The following HFM1 variants were observed in gnomAD, a reference collection of about 807,000 sequenced individuals.
HFM1 encodes the protein helicase for meiosis 1.
Under a neutral mutation model 192.1 loss-of-function variants are expected in HFM1, and 169 were observed. The ratio of observed to expected loss-of-function variants is 0.88; its 90% CI spans 0.78 to 1.00. HFM1 has a LOEUF of 1.00. Among genes scored for constraint, HFM1 ranks in the 50% least tolerant of loss-of-function variants. The pLI, the probability that HFM1 is intolerant of heterozygous loss-of-function variation, is 0.00. For synonymous variants in HFM1, 525 were observed against 537.8 expected (o/e 0.98, Z 0.33); for missense variants, 1,661 against 1,668.0 (o/e 1.00, Z 0.07).
At chr1:91,302,990 C>G (rs1213699154) in intron 30 of HFM1, among the ~76,000 whole-genome samples, 2 of 152,056 alleles carry the variant, frequency 1.3e-5, no homozygotes, top group African/African-American at 4.8e-5. Context: ...TACAGGAATA[C>G]AATGGACTTT....
chr1:91,328,456 TACTTTGGCCGTAAG>T, intron 20 of HFM1: 1 of 1,613,020 alleles, frequency 6.2e-7, no homozygotes, highest in Non-Finnish European at 8.5e-7. Flanking sequence ...CATCAAGAGC[TACTTTGGCCGTAAG>T]GTGGCCATTG....
chr1:91,395,672 TAAAG>T (rs975282303), intron 3 of HFM1, among the ~76,000 whole-genome samples: 1 of 152,034 alleles, frequency 6.6e-6, no homozygotes, highest in Non-Finnish European at 1.5e-5. Flanking sequence ...TTCATTAAAA[TAAAG>T]AAATTTTAAT....
chr1:91,385,199 C>T lies in HFM1; in HGVS notation c.790G>A (p.Val264Ile), dbSNP rs1662043348. The change falls in exon 6 of 39, where the codon GTC becomes ATC. Residue 264 changes from valine to isoleucine, a missense_variant. Coordinates refer to ENST00000370425, the MANE Select transcript of HFM1 (RefSeq NM_001017975.6). ...TENGLGSLKA[V>I]TEIPAKFRSI... ...ACTTAAAGGATACGAATTTCTGTGA[C>T]AGCCTTCAAGGAACCTAAACCATTT... is the stretch of plus-strand genomic sequence containing the variant. The T allele has an allele frequency of 1.9e-6, 3 of 1,559,556 alleles. No individual in the cohort carries two copies. The highest frequency in any genetic ancestry group is 2.3e-5 in the South Asian group (2 of 86,456).
chr1:91,284,252 T>TA (rs1330570303), intron 30 of HFM1, among the ~76,000 whole-genome samples: 3 of 149,692 alleles, frequency 2.0e-5, no homozygotes, highest in Non-Finnish European at 4.5e-5. Context: ...TTATTATTAT[T>TA]TTTTTTTTGA....
intron 13 of HFM1, among the ~76,000 whole-genome samples, chr1:91,371,014 C>G (rs1029474002): frequency 4.0e-5 from 6 of 151,626 alleles, no homozygotes; most frequent in Non-Finnish European, 8.8e-5. Context: ...GAATAAAATA[C>G]TTAGGAATCC....
At chr1:91,380,070 ATAAT>A (rs1661371547) in intron 8 of HFM1, 30 bp downstream of exon 8, 3 of 985,674 alleles carry the variant, frequency 3.0e-6, no homozygotes, top group African/African-American at 3.4e-5. Context: ...TTTCATTATT[ATAAT>A]TAGTCATCAC....
intron 30 of HFM1, among the ~76,000 whole-genome samples, chr1:91,311,264 T>C (rs888651235): frequency 6.6e-6 from 1 of 152,126 alleles, no homozygotes; most frequent in Non-Finnish European, 1.5e-5. Flanking sequence ...ATTTAGGGCA[T>C]CTGGTGGAAA....
At chr1:91,325,817 T>C (rs900318480) in intron 20 of HFM1, among the ~76,000 whole-genome samples, 3 of 152,058 alleles carry the variant, frequency 2.0e-5, no homozygotes, top group African/African-American at 7.2e-5. Context: ...AGACAGAGAA[T>C]TCAAAATAGC....
chr1:91,382,473 C>T (rs1661667264), intron 6 of HFM1, among the ~76,000 whole-genome samples: 2 of 152,164 alleles, frequency 1.3e-5, no homozygotes, highest in South Asian at 4.1e-4. Context: ...CAGTGCCTGA[C>T]ACATAACTCA....
Position 91,396,409 on chromosome 1 carries a change from T to C in HFM1, c.72-4A>G, listed in dbSNP as rs1663662664. ...TGACTTTTCATTGTCTGGATGGCTATATAAAATATAAAAATGTGAGTATAT... is the reference window on the plus strand; with the variant it reads ...TGACTTTTCATTGTCTGGATGGCTACATAAAATATAAAAATGTGAGTATAT... On this transcript the variant is annotated splice_region_variant and splice_polypyrimidine_tract_variant and intron_variant, in intron 2 of 38. Transcript: ENST00000370425. 2 of 1,422,152 alleles carry C rather than the reference T, an allele frequency of 1.4e-6. No individual in the cohort carries two copies. Among genetic ancestry groups the C allele is most frequent in the South Asian group, 1.2e-5 (1 of 80,900 alleles). The allele number at this position is 1,422,152 out of a possible 1,614,324, so 88.1% of individuals were successfully genotyped here.
At chr1:91,408,000 T>C (rs1246708743), upstream of HFM1, among the ~76,000 whole-genome samples, 1 of 152,108 alleles carries the variant, frequency 6.6e-6, no homozygotes, top group Non-Finnish European at 1.5e-5. Flanking sequence ...GGTGTGGTGG[T>C]GTGTGCCTGT....
chr1:91,295,994 T>C (rs543134626), intron 30 of HFM1, among the ~76,000 whole-genome samples: 1 of 152,240 alleles, frequency 6.6e-6, no homozygotes, highest in South Asian at 2.1e-4. Flanking sequence ...GCAGTGGCAA[T>C]CTCGGCTCAC....
intron 32 of HFM1, among the ~76,000 whole-genome samples, chr1:91,275,851 A>G (rs947479061): frequency 1.3e-4 from 20 of 152,206 alleles, no homozygotes; most frequent in Non-Finnish European, 2.8e-4. Context: ...AGTCAGAGTG[A>G]CTTTTACAAA....
At chr1:91,352,792 TA>T in intron 15 of HFM1, 141 bp from the exon 16 acceptor site, 1 of 671,920 alleles carries the variant, frequency 1.5e-6, no homozygotes. Flanking sequence ...CATTACAATC[TA>T]AAATAGTAAC....
chr1:91,387,967 C>CA (rs1557512650), intron 4 of HFM1, among the ~76,000 whole-genome samples: 2 of 114,278 alleles, frequency 1.8e-5, no homozygotes, highest in Middle Eastern at 5.3e-3. Flanking sequence ...AACAAACAAA[C>CA]AAAAAAAAGA....
At chr1:91,279,121 G>GCTGAAATCCTATAATAAGATT (rs1023002414) in intron 30 of HFM1, among the ~76,000 whole-genome samples, 2 of 152,048 alleles carry the variant, frequency 1.3e-5, no homozygotes, top group Non-Finnish European at 1.5e-5. Flanking sequence ...CCCAGCACAA[G>GCTGAAATCCTATAATAAGATT]CTGAAATCCT....
intron 30 of HFM1, among the ~76,000 whole-genome samples, chr1:91,286,013 G>A (rs558276295): frequency 1.1e-4 from 16 of 152,178 alleles, no homozygotes; most frequent in South Asian, 2.1e-4. Flanking sequence ...CAAAGCACAA[G>A]AGTAGCAATG....
chr1:91,279,942 C>T (rs992768396), intron 30 of HFM1, among the ~76,000 whole-genome samples: 2 of 152,032 alleles, frequency 1.3e-5, no homozygotes, highest in African/African-American at 2.4e-5. Context: ...AATATAGGCT[C>T]TTATTTGGGA....
intron 13 of HFM1, among the ~76,000 whole-genome samples, chr1:91,358,529 AC>A (rs1658048275): frequency 6.6e-6 from 1 of 152,260 alleles, no homozygotes; most frequent in East Asian, 1.9e-4. Flanking sequence ...CCATTAGGGC[AC>A]CAAAAAAAAT....
Sources: allele counts gnomAD v4.1 joint callset (sites outside exome capture counted in the v4.1 genomes callset), GRCh38; gene constraint gnomAD v4.1.1; transcripts MANE v1.5; gene names NCBI Gene and HGNC (gene_info 2026-07-23, HGNC 2026-07-21).